The following WWOX variants were observed in gnomAD, a reference collection of about 807,000 sequenced individuals.
The protein encoded by WWOX is WW domain-containing oxidoreductase.
A neutral mutation model predicts 46.2 loss-of-function variants in WWOX; 69 were observed. That is an observed-to-expected ratio of 1.49 (90% CI 1.23 to 1.82). The LOEUF is 1.82. Among genes scored for constraint, WWOX ranks in the 40% most tolerant of loss-of-function variants. The pLI, the probability that WWOX is intolerant of heterozygous loss-of-function variation, is 0.00. For synonymous variants in WWOX, 359 were observed against 202.6 expected (o/e 1.77, Z -6.56); for missense variants, 919 against 542.6 (o/e 1.69, Z -6.89).
chr16:79,087,907 C>G (rs57225484), intron 8 of WWOX, among the ~76,000 whole-genome samples: 28,478 of 152,120 alleles, frequency 0.19, 3,497 homozygotes, highest in East Asian at 0.63. Context: ...GTTCTGGACT[C>G]AAGGAGGCCT....
intron 8 of WWOX, among the ~76,000 whole-genome samples, chr16:78,862,812 C>T (rs370547700): frequency 1.2e-3 from 180 of 152,238 alleles, no homozygotes; most frequent in African/African-American, 4.1e-3. Flanking sequence ...GGGCAGTCTG[C>T]TTTACTCATA....
intron 7 of WWOX, among the ~76,000 whole-genome samples, chr16:78,428,970 A>G (rs563988832): frequency 1.1e-4 from 16 of 152,224 alleles, no homozygotes; most frequent in African/African-American, 3.6e-4. Flanking sequence ...AACAAGGGAA[A>G]CTGTCAAATT....
chr16:78,423,761 G>A (rs9931457), intron 6 of WWOX, among the ~76,000 whole-genome samples: 6,707 of 151,296 alleles, frequency 0.044, 182 homozygotes, highest in Middle Eastern at 0.075. Context: ...TGGAAGGATC[G>A]TCTGAGCCTG....
intron 8 of WWOX, among the ~76,000 whole-genome samples, chr16:78,851,726 G>T (rs2052448960): frequency 6.6e-6 from 1 of 152,148 alleles, no homozygotes; most frequent in Non-Finnish European, 1.5e-5. Flanking sequence ...ATTTTCAAAT[G>T]AAGTGGACCT....
intron 8 of WWOX, among the ~76,000 whole-genome samples, chr16:78,689,519 T>C (rs1050595347): frequency 1.3e-5 from 2 of 152,246 alleles, no homozygotes; most frequent in Non-Finnish European, 2.9e-5. Flanking sequence ...TGGATCTTCA[T>C]AGTCCAGTCT....
At chr16:78,959,810 C>T (rs1193819918) in intron 8 of WWOX, among the ~76,000 whole-genome samples, 1 of 152,058 alleles carries the variant, frequency 6.6e-6, no homozygotes, top group East Asian at 1.9e-4. Context: ...TGTTCTGAAC[C>T]CTGTGGAAAT....
At chr16:78,600,254 G>T (rs2045589781) in intron 8 of WWOX, among the ~76,000 whole-genome samples, 1 of 152,018 alleles carries the variant, frequency 6.6e-6, no homozygotes, top group African/African-American at 2.4e-5. Flanking sequence ...AGTTCAAGAT[G>T]AGATTTGGAT....
chr16:78,867,484 T>TG (rs1555553512), intron 8 of WWOX, among the ~76,000 whole-genome samples: 2 of 148,886 alleles, frequency 1.3e-5, no homozygotes, highest in Non-Finnish European at 3.0e-5. Flanking sequence ...TTAAATGATT[T>TG]TGTGTGTGTG....
intron 8 of WWOX, among the ~76,000 whole-genome samples, chr16:79,044,038 A>C (rs1268286311): frequency 6.6e-6 from 1 of 152,216 alleles, no homozygotes; most frequent in Non-Finnish European, 1.5e-5. Flanking sequence ...AGCCAGGAAG[A>C]GGCTTCGGCC....
intron 8 of WWOX, among the ~76,000 whole-genome samples, chr16:79,136,099 A>C (rs2049976910): frequency 6.6e-6 from 1 of 152,172 alleles, no homozygotes. Flanking sequence ...ATACCATTTA[A>C]GTCTTGTATT....
chr16:79,151,894 T>A (rs567468212), intron 8 of WWOX, among the ~76,000 whole-genome samples: 2 of 152,344 alleles, frequency 1.3e-5, no homozygotes, highest in South Asian at 4.1e-4. Context: ...TTTGTTTATC[T>A]TTTTTTGTTG....
At chr16:78,966,711 A>G (rs1022577934) in intron 8 of WWOX, among the ~76,000 whole-genome samples, 3 of 152,200 alleles carry the variant, frequency 2.0e-5, no homozygotes, top group Non-Finnish European at 4.4e-5. Context: ...TGTTTAAAGG[A>G]GCTTAAATAT....
intron 8 of WWOX, among the ~76,000 whole-genome samples, chr16:78,546,606 A>G (rs1047070198): frequency 6.6e-6 from 1 of 152,218 alleles, no homozygotes; most frequent in Non-Finnish European, 1.5e-5. Context: ...TCAGCTAGGA[A>G]CTTATTTTTA....
intron 4 of WWOX, among the ~76,000 whole-genome samples, chr16:78,134,787 T>C (rs1348875669): frequency 1.3e-5 from 2 of 152,250 alleles, no homozygotes; most frequent in Non-Finnish European, 2.9e-5. Flanking sequence ...ACGTTGGTTT[T>C]AGAAAGCTTG....
intron 8 of WWOX, among the ~76,000 whole-genome samples, chr16:78,817,587 C>G (rs193191406): frequency 1.6e-3 from 237 of 152,328 alleles, no homozygotes; most frequent in African/African-American, 5.4e-3. Context: ...AAACCTCTCG[C>G]TTGGAGCCAG....
chr16:78,124,711 G>T (rs1262499829), intron 4 of WWOX, among the ~76,000 whole-genome samples: 1 of 152,194 alleles, frequency 6.6e-6, no homozygotes, highest in Non-Finnish European at 1.5e-5. Context: ...GTGTGACAAG[G>T]TTTAAATCTA....
chr16:78,934,741 A>T (rs550577259), intron 8 of WWOX, among the ~76,000 whole-genome samples: 1 of 152,220 alleles, frequency 6.6e-6, no homozygotes, highest in South Asian at 2.1e-4. Context: ...TAAAAGGACA[A>T]TGACATGATA....
chr16:78,861,162 C>G (rs544579240), intron 8 of WWOX, among the ~76,000 whole-genome samples: 1 of 152,240 alleles, frequency 6.6e-6, no homozygotes, highest in East Asian at 1.9e-4. Context: ...CCCTCTCTCT[C>G]TTTCTTCCTC....
At chr16:78,986,299 C>T (rs113661986) in intron 8 of WWOX, among the ~76,000 whole-genome samples, 3 of 152,280 alleles carry the variant, frequency 2.0e-5, no homozygotes, top group South Asian at 2.1e-4. Context: ...TGCTTCCAGA[C>T]CTATAGTTTT....
Sources: allele counts gnomAD v4.1 joint callset (sites outside exome capture counted in the v4.1 genomes callset), GRCh38; gene constraint gnomAD v4.1.1; transcripts MANE v1.5; gene names NCBI Gene and HGNC (gene_info 2026-07-23, HGNC 2026-07-21).